Variants in KCNQ5 observed in about 807,000 individuals in gnomAD.
KCNQ5 encodes potassium voltage-gated channel subfamily KQT member 5.
In KCNQ5, 30 loss-of-function variants were observed where a neutral mutation model predicts 98.2. The observed-to-expected ratio is 0.31, with a 90% CI of 0.23 to 0.41. The LOEUF (loss-of-function observed/expected upper bound fraction) is 0.41. Among genes scored for constraint, KCNQ5 ranks in the 10% least tolerant of loss-of-function variants. The probability of loss-of-function intolerance (pLI) is 1.00; values close to 1 mark genes in which losing one functional copy is unlikely to be tolerated. For synonymous variants in KCNQ5, 458 were observed against 449.4 expected (o/e 1.02, Z -0.24); for missense variants, 835 against 1,182.5 (o/e 0.71, Z 4.31).
At chr6:73,084,380 A>T (rs1773898511) in intron 5 of KCNQ5, among the ~76,000 whole-genome samples, 1 of 152,204 alleles carries the variant, frequency 6.6e-6, no homozygotes, top group East Asian at 1.9e-4. Flanking sequence ...TTATAACAGT[A>T]ATCCATTTTT....
chr6:72,940,964 A>G (rs902491001), intron 1 of KCNQ5, among the ~76,000 whole-genome samples: 1 of 152,226 alleles, frequency 6.6e-6, no homozygotes, highest in Non-Finnish European at 1.5e-5. Flanking sequence ...TAAGTCATAA[A>G]GAAAAAAATT....
intron 1 of KCNQ5, among the ~76,000 whole-genome samples, chr6:72,773,396 G>A (rs906367114): frequency 6.6e-6 from 1 of 152,088 alleles, no homozygotes; most frequent in South Asian, 2.1e-4. Context: ...TGTGGGAGTT[G>A]AGCGATGAGA....
chr6:72,623,476 G>C (rs1262893722), intron 1 of KCNQ5, among the ~76,000 whole-genome samples: 1 of 150,142 alleles, frequency 6.7e-6, no homozygotes, highest in African/African-American at 2.5e-5. Context: ...AAAATGATTG[G>C]AAGCAAATGT....
At chr6:72,767,541 G>T (rs1225371257) in intron 1 of KCNQ5, among the ~76,000 whole-genome samples, 2 of 151,872 alleles carry the variant, frequency 1.3e-5, no homozygotes, top group Admixed American at 6.6e-5. Flanking sequence ...CATAAAGAAA[G>T]TGAAAAGAGA....
chr6:73,131,415 G>A (rs1776232459), intron 9 of KCNQ5, among the ~76,000 whole-genome samples: 1 of 151,954 alleles, frequency 6.6e-6, no homozygotes, highest in Non-Finnish European at 1.5e-5. Flanking sequence ...TTCCAGAAAA[G>A]GTAATAGATA....
chr6:73,151,093 A>G (rs1211205600), intron 10 of KCNQ5, among the ~76,000 whole-genome samples: 1 of 152,150 alleles, frequency 6.6e-6, no homozygotes. Flanking sequence ...GGTACACAGA[A>G]TCTCTGTATT....
At chr6:73,189,789 G>A (rs1765517031) in intron 11 of KCNQ5, among the ~76,000 whole-genome samples, 1 of 152,156 alleles carries the variant, frequency 6.6e-6, no homozygotes, top group Admixed American at 6.5e-5. Context: ...AAATATCATT[G>A]TAAAAGATGG....
chr6:72,913,521 G>A (rs1562064083), intron 1 of KCNQ5, among the ~76,000 whole-genome samples: 1 of 152,174 alleles, frequency 6.6e-6, no homozygotes. Flanking sequence ...TATGTATGCA[G>A]CTGCTTTTCA....
intron 1 of KCNQ5, among the ~76,000 whole-genome samples, chr6:72,965,926 T>A (rs1305951649): frequency 6.6e-6 from 1 of 152,194 alleles, no homozygotes; most frequent in Non-Finnish European, 1.5e-5. Flanking sequence ...TTTGTGTTTA[T>A]GCAGATCAAC....
intron 1 of KCNQ5, among the ~76,000 whole-genome samples, chr6:72,760,448 G>A (rs967794305): frequency 9.1e-5 from 1 of 10,986 alleles, no homozygotes; most frequent in Non-Finnish European, 1.8e-4. Context: ...TCAGGAGTAC[G>A]TGTGTGTGTG....
chr6:73,113,940 ATGT>A (rs1267974734), intron 7 of KCNQ5, among the ~76,000 whole-genome samples: 1 of 152,248 alleles, frequency 6.6e-6, no homozygotes, highest in Non-Finnish European at 1.5e-5. Flanking sequence ...TCCAACTTAA[ATGT>A]TGTTCTTAAC....
intron 5 of KCNQ5, among the ~76,000 whole-genome samples, chr6:73,096,790 C>A (rs559121434): frequency 6.6e-6 from 1 of 152,214 alleles, no homozygotes; most frequent in African/African-American, 2.4e-5. Flanking sequence ...CTCCTATAAT[C>A]CCAGCATTTT....
chr6:73,038,961 C>T (rs1184601013), intron 2 of KCNQ5, among the ~76,000 whole-genome samples: 2 of 151,974 alleles, frequency 1.3e-5, no homozygotes, highest in African/African-American at 4.8e-5. Flanking sequence ...GCCAGTGAAA[C>T]CATTTGACCT....
At chr6:72,858,402 G>A (rs572181176) in intron 1 of KCNQ5, among the ~76,000 whole-genome samples, 3 of 152,050 alleles carry the variant, frequency 2.0e-5, no homozygotes, top group African/African-American at 7.2e-5. Flanking sequence ...TCCAAGAAAA[G>A]AGACTGTTTT....
intron 10 of KCNQ5, among the ~76,000 whole-genome samples, chr6:73,151,138 C>T (rs1444772547): frequency 1.3e-5 from 2 of 152,034 alleles, no homozygotes; most frequent in Non-Finnish European, 2.9e-5. Flanking sequence ...CTACAATTAC[C>T]TCAAAATTGA....
intron 2 of KCNQ5, among the ~76,000 whole-genome samples, chr6:73,027,492 T>C (rs1355160161): frequency 1.3e-5 from 2 of 152,244 alleles, no homozygotes; most frequent in Admixed American, 6.5e-5. Context: ...ATATCTCCTA[T>C]CAATTTTCCT....
chr6:72,724,452 C>A (rs1415673868), intron 1 of KCNQ5, among the ~76,000 whole-genome samples: 3 of 152,122 alleles, frequency 2.0e-5, no homozygotes, highest in Non-Finnish European at 2.9e-5. Flanking sequence ...GGAGTTTCCC[C>A]TCTGACCTGT....
At chr6:72,882,212 T>C (rs1778658696) in intron 1 of KCNQ5, among the ~76,000 whole-genome samples, 1 of 152,208 alleles carries the variant, frequency 6.6e-6, no homozygotes, top group Non-Finnish European at 1.5e-5. Context: ...TTGTAAAATA[T>C]GTGATGCCAC....
At chr6:72,726,884 C>G (rs1380020432) in intron 1 of KCNQ5, among the ~76,000 whole-genome samples, 1 of 152,114 alleles carries the variant, frequency 6.6e-6, no homozygotes, top group African/African-American at 2.4e-5. Context: ...CTGTGTCACC[C>G]AGGTTGCAGC....
Sources: gnomAD v4.1 joint callset for allele counts (sites outside exome capture counted in the v4.1 genomes callset) on GRCh38, gnomAD v4.1.1 for gene constraint, MANE v1.5 for transcripts, NCBI Gene and HGNC (gene_info 2026-07-23, HGNC 2026-07-21) for gene names.